Variants in RBFOX1 observed in about 807,000 individuals in gnomAD.
RBFOX1 encodes RNA binding protein fox-1 homolog 1.
A neutral mutation model predicts 57.7 loss-of-function variants in RBFOX1; 8 were observed. The observed-to-expected ratio is 0.14, with a 90% CI of 0.08 to 0.25. RBFOX1 has a LOEUF of 0.25. Among genes scored for constraint, RBFOX1 ranks in the 10% least tolerant of loss-of-function variants. The pLI is 1.00. For missense variants in RBFOX1, 611 were observed against 548.5 expected (o/e 1.11, Z -1.14); for synonymous variants, 326 against 222.4 (o/e 1.47, Z -4.15).
intron 4 of RBFOX1, among the ~76,000 whole-genome samples, chr16:7,496,606 G>C (rs901045242): frequency 5.9e-5 from 9 of 151,692 alleles, no homozygotes; most frequent in Non-Finnish European, 8.8e-5. Context: ...GTGTGTTCAA[G>C]TACTTGTCCA....
chr16:5,288,528 G>T (rs184278221), intron 1 of RBFOX1, among the ~76,000 whole-genome samples: 54 of 152,006 alleles, frequency 3.6e-4, no homozygotes, highest in Non-Finnish European at 6.6e-4. Flanking sequence ...TTTGTGTCAG[G>T]TTGGTCTGGC....
At chr16:6,859,658 C>G (rs1408973716) in intron 3 of RBFOX1, among the ~76,000 whole-genome samples, 2 of 152,092 alleles carry the variant, frequency 1.3e-5, no homozygotes, top group Admixed American at 6.5e-5. Flanking sequence ...TTGTGAGATA[C>G]TCAATAATGG....
intron 2 of RBFOX1, among the ~76,000 whole-genome samples, chr16:6,600,454 T>G (rs1567831626): frequency 1.3e-5 from 2 of 152,220 alleles, no homozygotes. Flanking sequence ...CATAGAGGAC[T>G]TCTGGCATTC....
intron 2 of RBFOX1, among the ~76,000 whole-genome samples, chr16:6,587,580 C>T (rs967623068): frequency 5.9e-5 from 9 of 152,174 alleles, no homozygotes; most frequent in Non-Finnish European, 8.8e-5. Flanking sequence ...CCACGCTCAG[C>T]TGTGTGCTTG....
chr16:7,149,012 T>C (rs574648858), intron 4 of RBFOX1, among the ~76,000 whole-genome samples: 1 of 152,362 alleles, frequency 6.6e-6, no homozygotes, highest in South Asian at 2.1e-4. Context: ...GCTTAGAGAA[T>C]GCGTCAAGGG....
chr16:6,198,519 G>A (rs1440205070), intron 1 of RBFOX1, among the ~76,000 whole-genome samples: 1 of 152,178 alleles, frequency 6.6e-6, no homozygotes, highest in Non-Finnish European at 1.5e-5. Context: ...CTGTGGAACT[G>A]TGTGACCTTG....
chr16:7,137,945 G>A (rs1531558), intron 4 of RBFOX1, among the ~76,000 whole-genome samples: 135,566 of 152,248 alleles, frequency 0.89, 60,442 homozygotes, highest in East Asian at 1. Context: ...CAATATTTCA[G>A]TGAGTTAGCC....
chr16:7,276,499 C>G (rs1207987517), intron 4 of RBFOX1, among the ~76,000 whole-genome samples: 1 of 152,162 alleles, frequency 6.6e-6, no homozygotes, highest in Non-Finnish European at 1.5e-5. Flanking sequence ...ATCTCCTTCC[C>G]TGATAGCAAG....
At chr16:5,856,565 G>A (rs1312496227) in intron 3 of RBFOX1, among the ~76,000 whole-genome samples, 127 of 33,580 alleles carry the variant, frequency 3.8e-3, no homozygotes, top group Non-Finnish European at 6.1e-3. Flanking sequence ...GTGTGTGTAT[G>A]TGTGTGTGTG....
At chr16:7,331,210 A>AT (rs1383904218) in intron 4 of RBFOX1, among the ~76,000 whole-genome samples, 1 of 152,194 alleles carries the variant, frequency 6.6e-6, no homozygotes, top group African/African-American at 2.4e-5. Context: ...AAGTGGAGGA[A>AT]TTGACATTTG....
chr16:6,341,201 C>G (rs550884476), intron 2 of RBFOX1, among the ~76,000 whole-genome samples: 10 of 152,204 alleles, frequency 6.6e-5, no homozygotes, highest in Non-Finnish European at 1.5e-4. Context: ...CTTCTGAACT[C>G]TCTATGGGAA....
chr16:5,333,756 A>G (rs1193284928), intron 1 of RBFOX1, among the ~76,000 whole-genome samples: 2 of 152,226 alleles, frequency 1.3e-5, no homozygotes, highest in Non-Finnish European at 2.9e-5. Context: ...TGGTGTACTT[A>G]TCACTCCTAG....
chr16:5,914,866 G>T (rs1567141860), intron 4 of RBFOX1, among the ~76,000 whole-genome samples: 1 of 152,040 alleles, frequency 6.6e-6, no homozygotes, highest in African/African-American at 2.4e-5. Flanking sequence ...CTGCACTCCA[G>T]CCTAGGCGAC....
intron 6 of RBFOX1, among the ~76,000 whole-genome samples, chr16:7,580,370 A>G (rs1372866257): frequency 6.6e-6 from 1 of 152,132 alleles, no homozygotes; most frequent in African/African-American, 2.4e-5. Flanking sequence ...GGCACTGTGC[A>G]TTTAGATTTC....
chr16:6,518,540 A>C (rs563820484), intron 2 of RBFOX1, among the ~76,000 whole-genome samples: 2 of 151,206 alleles, frequency 1.3e-5, no homozygotes, highest in Non-Finnish European at 3.0e-5. Context: ...TTCCAGTTCA[A>C]AATCATGCTC....
chr16:6,927,446 C>T (rs749105173), intron 3 of RBFOX1, among the ~76,000 whole-genome samples: 4 of 110,630 alleles, frequency 3.6e-5, no homozygotes, highest in African/African-American at 4.5e-5. Context: ...AAAATCCGAA[C>T]GTCTCGTGTT....
At chr16:5,531,017 T>C (rs1295283840) in intron 2 of RBFOX1, among the ~76,000 whole-genome samples, 4 of 146,400 alleles carry the variant, frequency 2.7e-5, no homozygotes, top group African/African-American at 9.9e-5. Context: ...CCCAGCTACT[T>C]GGGAGGCTGA....
chr16:5,355,231 C>A (rs1221765440), intron 1 of RBFOX1, among the ~76,000 whole-genome samples: 1 of 152,076 alleles, frequency 6.6e-6, no homozygotes, highest in Admixed American at 6.5e-5. Context: ...TTAGTTCAGG[C>A]CCCAGCAGGA....
chr16:6,409,379 C>A (rs2152967527), intron 2 of RBFOX1, among the ~76,000 whole-genome samples: 1 of 152,256 alleles, frequency 6.6e-6, no homozygotes, highest in South Asian at 2.1e-4. Flanking sequence ...ATGCCATTGC[C>A]CTCCAGCCAG....
Sources: gnomAD v4.1 joint callset for allele counts (sites outside exome capture counted in the v4.1 genomes callset) on GRCh38, gnomAD v4.1.1 for gene constraint, MANE v1.5 for transcripts, NCBI Gene and HGNC (gene_info 2026-07-23, HGNC 2026-07-21) for gene names.